IL1RAPL1: variants seen among roughly 807,000 people sequenced by gnomAD.
IL1RAPL1 encodes the protein interleukin 1 receptor accessory protein like 1.
A neutral mutation model predicts 48.4 loss-of-function variants in IL1RAPL1; 3 were observed. That is an observed-to-expected ratio of 0.06 (90% CI 0.03 to 0.16). IL1RAPL1 has a LOEUF of 0.16. Ranked by LOEUF, IL1RAPL1 falls within the 10% of genes least tolerant of loss-of-function variation. The pLI is 1.00. For missense variants in IL1RAPL1, 349 were observed against 530.6 expected, an observed-to-expected ratio of 0.66 and a Z score of 3.36; for synonymous variants, 185 against 187.7, an observed-to-expected ratio of 0.99 and a Z score of 0.12.
At chrX:29,136,075 C>T (rs1036116422) in intron 2 of IL1RAPL1, among the ~76,000 whole-genome samples, 5 of 109,882 alleles carry the variant, frequency 4.6e-5, no homozygotes, top group African/African-American at 1.3e-4. Context: ...AAATTATCTA[C>T]GTAATGTCAC....
intron 2 of IL1RAPL1, among the ~76,000 whole-genome samples, chrX:28,869,705 T>C: frequency 8.9e-6 from 1 of 112,450 alleles, no homozygotes; most frequent in East Asian, 2.8e-4. Context: ...AACAGCTTTA[T>C]TGAGGTATAA....
At chrX:29,904,649 G>T (rs1439369276) in intron 6 of IL1RAPL1, among the ~76,000 whole-genome samples, 1 of 111,239 alleles carries the variant, frequency 9.0e-6, no homozygotes, top group African/African-American at 3.3e-5. Context: ...GTGTTAGTTT[G>T]CTGAGGATGA....
At chrX:28,900,662 T>C (rs1403111347) in intron 2 of IL1RAPL1, among the ~76,000 whole-genome samples, 1 of 112,446 alleles carries the variant, frequency 8.9e-6, no homozygotes, top group East Asian at 2.8e-4. Context: ...CCTTGAATTC[T>C]AGCCTCTGCA....
chrX:29,392,301 T>C (rs1238887952), intron 3 of IL1RAPL1, among the ~76,000 whole-genome samples: 1 of 112,401 alleles, frequency 8.9e-6, no homozygotes, highest in African/African-American at 3.2e-5. Flanking sequence ...TTACCCCATT[T>C]ACCCCATTCC....
chrX:29,937,657 C>A (rs1353686842), intron 8 of IL1RAPL1, among the ~76,000 whole-genome samples: 4 of 111,614 alleles, frequency 3.6e-5, no homozygotes, highest in African/African-American at 6.5e-5. Context: ...TTGTATATTA[C>A]ACTCCTGCAT....
chrX:29,643,409 A>G (rs1337280727), intron 5 of IL1RAPL1, among the ~76,000 whole-genome samples: 1 of 112,088 alleles, frequency 8.9e-6, no homozygotes, highest in Non-Finnish European at 1.9e-5. Context: ...CAGTGCTTTC[A>G]TGCTAGGTTA....
At chrX:28,804,299 CCTCTGCTA>C (rs1936704952) in intron 2 of IL1RAPL1, among the ~76,000 whole-genome samples, 1 of 111,773 alleles carries the variant, frequency 8.9e-6, no homozygotes. Flanking sequence ...CAATCTACCA[CCTCTGCTA>C]TTAAATACCT....
At chrX:29,591,576 C>A (rs1462992387) in intron 5 of IL1RAPL1, among the ~76,000 whole-genome samples, 1 of 112,058 alleles carries the variant, frequency 8.9e-6, no homozygotes, top group Non-Finnish European at 1.9e-5. Flanking sequence ...CTCTGCCGGG[C>A]ACTCTCCTGT....
At position 28,590,238 on chromosome X, in the gene IL1RAPL1, C is replaced by T. The variant is rs1933893532; in HGVS notation, c.-25+2191C>T. 1.1e-4 allele frequency among the ~76,000 whole-genome samples: 12 copies of T among 111,482 alleles called. No homozygotes were observed. The Admixed American group carries it at 1.2e-3, about 11-fold the overall frequency. ...AAATCCTAACCCTGTTCAGTTGAAT[C>T]ACCTTATTATCTAGTTGTGCTATTT... On this transcript the variant is annotated intron_variant, in intron 1 of 10. Transcript: ENST00000378993.
At chrX:28,660,770 C>A (rs1423474777) in intron 1 of IL1RAPL1, among the ~76,000 whole-genome samples, 1 of 111,374 alleles carries the variant, frequency 9.0e-6, no homozygotes, top group Non-Finnish European at 1.9e-5. Context: ...GAAGAAAAGT[C>A]ACAAAAAATA....
At chrX:29,377,727 CT>C (rs1408897607) in intron 3 of IL1RAPL1, among the ~76,000 whole-genome samples, 2 of 112,003 alleles carry the variant, frequency 1.8e-5, no homozygotes, top group Non-Finnish European at 3.8e-5. Flanking sequence ...TCAAGGTCTG[CT>C]GCTATCCTAA....
chrX:28,594,009 G>A (rs1220295828), intron 1 of IL1RAPL1, among the ~76,000 whole-genome samples: 2 of 111,215 alleles, frequency 1.8e-5, no homozygotes. Context: ...ATGAATTTAT[G>A]TATAGTCACA....
intron 2 of IL1RAPL1, among the ~76,000 whole-genome samples, chrX:29,197,626 T>A (rs1448624910): frequency 8.9e-6 from 1 of 111,928 alleles, no homozygotes. Flanking sequence ...AGTAGGCAAT[T>A]TAGACTGTTA....
chrX:29,083,829 T>A (rs1208397212), intron 2 of IL1RAPL1, among the ~76,000 whole-genome samples: 2 of 111,931 alleles, frequency 1.8e-5, no homozygotes, highest in African/African-American at 6.5e-5. Flanking sequence ...GAGAACAAAC[T>A]AAGAATTTTT....
At chrX:29,871,246 T>A (rs1042362196) in intron 6 of IL1RAPL1, among the ~76,000 whole-genome samples, 7 of 112,093 alleles carry the variant, frequency 6.2e-5, no homozygotes, top group African/African-American at 2.3e-4. Flanking sequence ...AAGTCTCCCA[T>A]CTCAAAGTCT....
chrX:29,592,025 A>G (rs1176970981), intron 5 of IL1RAPL1, among the ~76,000 whole-genome samples: 1 of 111,333 alleles, frequency 9.0e-6, no homozygotes, highest in Non-Finnish European at 1.9e-5. Flanking sequence ...ACGGGTGAAA[A>G]CCTAAAATGG....
At chrX:29,225,641 A>G (rs1931062841) in intron 2 of IL1RAPL1, among the ~76,000 whole-genome samples, 1 of 111,851 alleles carries the variant, frequency 8.9e-6, no homozygotes, top group African/African-American at 3.3e-5. Context: ...ATGGAAAAGT[A>G]CTGGAGGACA....
rs144838772 is a variant in IL1RAPL1 at position 29,158,281 on chromosome X, G to T, written c.83-124657G>T. 1.5e-3 allele frequency among the ~76,000 whole-genome samples: 165 copies of T among 112,267 alleles called. 1 individual carries two copies. Among genetic ancestry groups the T allele is most frequent in the African/African-American group, 5.1e-3 (157 of 30,956 alleles). On this transcript the variant is annotated intron_variant, in intron 2 of 10. Coordinates refer to ENST00000378993, the MANE Select transcript of IL1RAPL1 (RefSeq NM_014271.4). ...AACTCAATTTTAAATCACTGGTAAT[G>T]GTTTTGACTGGCTAATGCAATGGGA...
chrX:28,646,026 CT>C (rs1206872457), intron 1 of IL1RAPL1, among the ~76,000 whole-genome samples: 1 of 111,939 alleles, frequency 8.9e-6, no homozygotes, highest in East Asian at 2.8e-4. Context: ...CCAGGCACAG[CT>C]AATATGAGTA....
Sources: allele counts gnomAD v4.1 joint callset (sites outside exome capture counted in the v4.1 genomes callset), GRCh38; gene constraint gnomAD v4.1.1; transcripts MANE v1.5; gene names NCBI Gene and HGNC (gene_info 2026-07-23, HGNC 2026-07-21).